Variants in ATP10A observed in about 807,000 individuals in gnomAD.
ATP10A encodes ATPase phospholipid transporting 10A (putative).
A neutral mutation model predicts 147.8 loss-of-function variants in ATP10A; 111 were observed. That is an observed-to-expected ratio of 0.75 (90% confidence interval 0.64 to 0.88). The LOEUF (loss-of-function observed/expected upper bound fraction) is 0.88. Ranked by LOEUF, ATP10A falls within the 40% of genes least tolerant of loss-of-function variation. The pLI, the probability that ATP10A is intolerant of heterozygous loss-of-function variation, is 0.00. For synonymous variants in ATP10A, 875 were observed against 841.6 expected (o/e 1.04, Z -0.69); for missense variants, 1,927 against 1,959.0 (o/e 0.98, Z 0.31).
At chr15:25,755,055 T>G (rs910849389) in intron 2 of ATP10A, among the ~76,000 whole-genome samples, 4 of 152,186 alleles carry the variant, frequency 2.6e-5, no homozygotes, top group African/African-American at 9.6e-5. Context: ...CTCCAGAATA[T>G]TCATAGGCTA....
chr15:25,683,360 C>T lies in ATP10A; in HGVS notation c.3418G>A (p.Val1140Met), dbSNP rs202008158. Residue 1140 changes from valine to methionine, a missense_variant, in exon 17 of 21, where the codon GTG becomes ATG. Val to Met is a conservative substitution (Grantham distance 21). Coordinates refer to ENST00000555815, the MANE Select transcript of ATP10A (RefSeq NM_024490.4). Reference protein sequence around the residue: ...FSSLPPLVTGVLDRDVPANVL... With the variant: ...FSSLPPLVTGMLDRDVPANVL... ...TTGGCTGGCACATCCCTGTCCAGCACCCCAGTCACGAGCGGGGGAAGTGAC... is the reference window on the plus strand; with the variant it reads ...TTGGCTGGCACATCCCTGTCCAGCATCCCAGTCACGAGCGGGGGAAGTGAC... The T allele has an allele frequency of 8.1e-6, 13 of 1,614,104 alleles. No homozygotes were observed. Among genetic ancestry groups the T allele is most frequent in the Non-Finnish European group, 1.0e-5 (12 of 1,180,030 alleles).
rs66727128 is a variant in ATP10A at position 25,848,127 on chromosome 15, GTT to G, written c.449+14519_449+14520del. On this transcript the variant is annotated intron_variant, in intron 1 of 20. Transcript: ENST00000555815. ...CAGCAAGACCTGGCCTCTAAAAAGT[GTT>G]TTTTTTTTTTAATCATCTGTAAAAT... is the stretch of plus-strand genomic sequence containing the variant. Among the ~76,000 whole-genome samples, 532 of 148,518 alleles carry G rather than the reference GTT, an allele frequency of 3.6e-3. 3 individuals are homozygous for G. Among genetic ancestry groups the G allele is most frequent in the African/African-American group, 6.2e-3 (252 of 40,550 alleles).
chr15:25,713,663 G>A lies in ATP10A; in HGVS notation c.2344+11C>T, dbSNP rs781569309. The A allele has an allele frequency of 1.9e-6, 3 of 1,612,634 alleles. No individual in the cohort carries two copies. In the Admixed American group the frequency reaches 5.0e-5, roughly 27 times the overall value. On this transcript the variant is annotated intron_variant, in intron 10 of 20. Coordinates refer to ENST00000555815, the MANE Select transcript of ATP10A (RefSeq NM_024490.4). Reference sequence around the variant, plus strand: ...CCGAGCTGGGGTGCAGCTGGGCAGGGGTGGGAGTACCTGAAGAGCAGGGCT... The same window carrying A: ...CCGAGCTGGGGTGCAGCTGGGCAGGAGTGGGAGTACCTGAAGAGCAGGGCT...
chr15:25,740,888 C>T (rs377720325), intron 2 of ATP10A, among the ~76,000 whole-genome samples: 8 of 152,246 alleles, frequency 5.3e-5, no homozygotes, highest in East Asian at 1.9e-4. Flanking sequence ...CTGACCTCCT[C>T]GGCTACCATC....
chr15:25,790,840 A>C (rs1890382825), intron 1 of ATP10A, among the ~76,000 whole-genome samples: 1 of 151,938 alleles, frequency 6.6e-6, no homozygotes, highest in African/African-American at 2.4e-5. Flanking sequence ...GATGTAAAAC[A>C]CTCCGGGGCA....
intron 1 of ATP10A, among the ~76,000 whole-genome samples, chr15:25,793,688 T>G (rs2140754390): frequency 6.6e-6 from 1 of 152,352 alleles, no homozygotes; most frequent in South Asian, 2.1e-4. Flanking sequence ...TGATGGCAGA[T>G]CCCTTTCTTA....
intron 1 of ATP10A, among the ~76,000 whole-genome samples, chr15:25,798,506 G>A (rs957676389): frequency 6.6e-6 from 1 of 152,190 alleles, no homozygotes; most frequent in African/African-American, 2.4e-5. Context: ...AGATTCATCT[G>A]GGTGACAGAT....
intron 2 of ATP10A, among the ~76,000 whole-genome samples, chr15:25,778,813 G>A (rs1040129751): frequency 3.3e-5 from 5 of 152,226 alleles, no homozygotes; most frequent in South Asian, 2.1e-4. Flanking sequence ...AAAAGTGGGC[G>A]GGAGAGGACT....
intron 2 of ATP10A, among the ~76,000 whole-genome samples, chr15:25,770,608 A>G (rs897333160): frequency 6.6e-6 from 1 of 152,152 alleles, no homozygotes; most frequent in Non-Finnish European, 1.5e-5. Context: ...AGAGGGTTGC[A>G]AAGGAAAATA....
chr15:25,791,418 C>T (rs1227918446), intron 1 of ATP10A, among the ~76,000 whole-genome samples: 1 of 152,140 alleles, frequency 6.6e-6, no homozygotes, highest in Non-Finnish European at 1.5e-5. Flanking sequence ...TGCTGGAGTG[C>T]AGTGGCACAA....
chr15:25,725,697 C>T (rs1049198151), intron 5 of ATP10A, among the ~76,000 whole-genome samples: 2 of 151,390 alleles, frequency 1.3e-5, no homozygotes, highest in African/African-American at 2.4e-5. Flanking sequence ...TGCAGTGGTG[C>T]GATCTCAGCT....
intron 3 of ATP10A, among the ~76,000 whole-genome samples, chr15:25,733,019 A>G (rs993138624): frequency 6.6e-6 from 1 of 152,152 alleles, no homozygotes; most frequent in African/African-American, 2.4e-5. Context: ...AGGGAAGAGA[A>G]AGAGCCTGTA....
chr15:25,793,603 C>T (rs1296576908), intron 1 of ATP10A, among the ~76,000 whole-genome samples: 3 of 152,354 alleles, frequency 2.0e-5, no homozygotes, highest in African/African-American at 7.2e-5. Flanking sequence ...TCTTCCGCTC[C>T]CTGGCAGCCA....
chr15:25,795,412 C>T (rs1890628915), intron 1 of ATP10A, among the ~76,000 whole-genome samples: 1 of 151,862 alleles, frequency 6.6e-6, no homozygotes, highest in Non-Finnish European at 1.5e-5. Context: ...GAGAGAGTGA[C>T]AGCCTCTTCC....
chr15:25,711,535 C>T (rs1156625650), intron 10 of ATP10A, among the ~76,000 whole-genome samples: 1 of 152,150 alleles, frequency 6.6e-6, no homozygotes, highest in African/African-American at 2.4e-5. Flanking sequence ...ACTTCCTGAA[C>T]CTTAACCTGC....
At chr15:25,728,447 G>C (rs539378051) in intron 3 of ATP10A, among the ~76,000 whole-genome samples, 17 of 152,188 alleles carry the variant, frequency 1.1e-4, no homozygotes, top group Non-Finnish European at 2.2e-4. Context: ...ACGGAGTAAG[G>C]TTTTCCTTTA....
At chr15:25,768,683 ATTTTTT>A (rs143608940) in intron 2 of ATP10A, among the ~76,000 whole-genome samples, 35 of 89,618 alleles carry the variant, frequency 3.9e-4, no homozygotes, top group Middle Eastern at 6.5e-3. Flanking sequence ...AGCTGGGCTA[ATTTTTT>A]TTTTTTTTTT....
At chr15:25,757,982 G>C (rs1417136632) in intron 2 of ATP10A, among the ~76,000 whole-genome samples, 1 of 9,014 alleles carries the variant, frequency 1.1e-4, no homozygotes, top group South Asian at 7.2e-3. Context: ...AACTCATTCC[G>C]ATCACCTGCT....
chr15:25,834,663 A>T (rs1455488071), intron 1 of ATP10A, among the ~76,000 whole-genome samples: 1 of 152,268 alleles, frequency 6.6e-6, no homozygotes, highest in Admixed American at 6.5e-5. Context: ...TAACTTGTAC[A>T]CAAATGTTCA....
Sources: allele counts gnomAD v4.1 joint callset (sites outside exome capture counted in the v4.1 genomes callset), GRCh38; gene constraint gnomAD v4.1.1; transcripts MANE v1.5; gene names NCBI Gene and HGNC (gene_info 2026-07-23, HGNC 2026-07-21).